The following C3orf49 variants were observed in gnomAD, a reference collection of about 807,000 sequenced individuals.
The protein encoded by C3orf49 is putative uncharacterized protein C3orf49.
C3orf49 carries 27 observed loss-of-function variants against 13.3 expected under a neutral mutation model. That is an observed-to-expected ratio of 2.02 (90% CI 1.49 to 2.79). The LOEUF (loss-of-function observed/expected upper bound fraction) is 2.79. C3orf49 is among the 30% of genes most tolerant of loss of function. The pLI is 0.00. For missense variants in C3orf49, 242 were observed against 134.2 expected, an observed-to-expected ratio of 1.80 and a Z score of -3.97; for synonymous variants, 87 against 47.6, an observed-to-expected ratio of 1.83 and a Z score of -3.40.
the C3orf49 span, among the ~76,000 whole-genome samples, chr3:63,796,407 T>C: frequency 6.6e-6 from 1 of 152,166 alleles, no homozygotes; most frequent in Non-Finnish European, 1.5e-5. Flanking sequence ...TCCTTACCAA[T>C]GTTTAAAAGA....
At chr3:63,796,866 T>C in the C3orf49 span, among the ~76,000 whole-genome samples, 13 of 152,152 alleles carry the variant, frequency 8.5e-5, no homozygotes, top group Non-Finnish European at 1.8e-4. Flanking sequence ...TTCTGCGCCA[T>C]ATAATTTTCT....
intron 3 of C3orf49, among the ~76,000 whole-genome samples, chr3:63,830,543 G>C (rs1701519275): frequency 6.6e-6 from 1 of 152,156 alleles, no homozygotes; most frequent in Admixed American, 6.5e-5. Flanking sequence ...TATTAGCTGG[G>C]AGCCATGACC....
At chr3:63,811,583 A>C in the C3orf49 span, among the ~76,000 whole-genome samples, 1 of 151,590 alleles carries the variant, frequency 6.6e-6, no homozygotes, top group Non-Finnish European at 1.5e-5. Context: ...AACAAAAAAA[A>C]AAACAAAAAA....
At chr3:63,834,494 T>A (rs943701573) in intron 5 of C3orf49, among the ~76,000 whole-genome samples, 3 of 151,876 alleles carry the variant, frequency 2.0e-5, no homozygotes, top group Admixed American at 2.0e-4. Flanking sequence ...ACCCCGTCTC[T>A]ACTAAAAATA....
chr3:63,844,249 C>G (rs1040184720), intron 5 of C3orf49, among the ~76,000 whole-genome samples: 1 of 152,112 alleles, frequency 6.6e-6, no homozygotes, highest in Non-Finnish European at 1.5e-5. Context: ...TACATACTTA[C>G]AGTTAGGCAA....
At chr3:63,798,782 T>C in the C3orf49 span, among the ~76,000 whole-genome samples, 1 of 152,144 alleles carries the variant, frequency 6.6e-6, no homozygotes, top group Admixed American at 6.6e-5. Flanking sequence ...GAAATGTCAT[T>C]CCATGATTGG....
the C3orf49 span, among the ~76,000 whole-genome samples, chr3:63,810,755 T>C: frequency 6.6e-6 from 1 of 152,364 alleles, no homozygotes; most frequent in Non-Finnish European, 1.5e-5. Flanking sequence ...CCACTAAAGG[T>C]ATATTCTGAA....
chr3:63,825,866 A>G (rs1293952223), intron 2 of C3orf49, among the ~76,000 whole-genome samples: 2 of 152,228 alleles, frequency 1.3e-5, no homozygotes, highest in Non-Finnish European at 2.9e-5. Context: ...ATTGAAAGAA[A>G]TCATAGGTGC....
intron 4 of C3orf49, 26 bp downstream of exon 4, chr3:63,831,249 T>C (rs1412525930): frequency 1.4e-6 from 1 of 697,996 alleles, no homozygotes; most frequent in Admixed American, 2.1e-5. Context: ...TTTTAACTTT[T>C]GAGTCTCAGA....
chr3:63,838,169 T>C (rs942832626), intron 5 of C3orf49: 1 of 1,093,510 alleles, frequency 9.1e-7, no homozygotes, highest in Non-Finnish European at 1.3e-6. Flanking sequence ...AAATAGACAC[T>C]AGTATTTTTA....
intron 2 of C3orf49, chr3:63,827,379 G>T (rs1701476665): frequency 5.3e-6 from 2 of 376,484 alleles, no homozygotes; most frequent in Non-Finnish European, 9.5e-6. Context: ...CAAAGACTGG[G>T]TTGGTGTCCA....
intron 5 of C3orf49, 22 bp from the exon 6 acceptor site, chr3:63,845,001 T>C: frequency 1.4e-6 from 1 of 691,230 alleles, no homozygotes; most frequent in Non-Finnish European, 2.6e-6. Flanking sequence ...TTTACATTTG[T>C]TGTAATTTTG....
Position 63,823,576 on chromosome 3 carries a change from A to G in C3orf49, c.445+7A>G. On this transcript the variant is annotated splice_region_variant and intron_variant, in intron 2 of 6. Transcript: ENST00000295896. ...AGAAAGCTCTCAGAGAATGGTAATC[A>G]TATTTGGGCAATTTGTCTTTGGGTT... 1.4e-6 allele frequency: 1 copy of G among 691,308 alleles called. No individual in the cohort carries two copies. Among genetic ancestry groups the G allele is most frequent in the Non-Finnish European group, 2.6e-6 (1 of 379,360 alleles). 42.8% of individuals were successfully genotyped at this position (691,308 alleles called of 1,614,324 possible).
upstream of C3orf49, among the ~76,000 whole-genome samples, chr3:63,818,692 C>T (rs1179852773): frequency 6.6e-6 from 1 of 152,116 alleles, no homozygotes; most frequent in African/African-American, 2.4e-5. Context: ...ACTCAAACCG[C>T]GAGAGGGTAA....
intron 2 of C3orf49, 39 bp downstream of exon 2, chr3:63,823,608 A>C (rs1314154080): frequency 1.5e-6 from 1 of 668,402 alleles, no homozygotes; most frequent in East Asian, 2.7e-5. Context: ...GGTTGAGGCC[A>C]AGAGGAAGAG....
chr3:63,794,031 TGTA>T, the C3orf49 span, among the ~76,000 whole-genome samples: 1 of 152,122 alleles, frequency 6.6e-6, no homozygotes, highest in Non-Finnish European at 1.5e-5. Flanking sequence ...GACATGCACC[TGTA>T]GTCCCTGCTA....
rs1293050248 is a variant in C3orf49, at chr3:63,819,628, TGA to T, written c.125+36_125+37del. The T allele has an allele frequency of 5.7e-6, 4 of 702,698 alleles. No homozygotes were observed. The Admixed American group carries it at 8.0e-5, about 14-fold the overall frequency. 43.5% of individuals were successfully genotyped at this position (702,698 alleles called of 1,614,324 possible). On this transcript the variant is annotated intron_variant, in intron 1 of 6. Transcript: ENST00000295896. ...GAGATTCATTTCCTTTTCTGTCAAA[TGA>T]GAGTCTTTGGGTTTGGCATAGTGGC...
chr3:63,816,772 T>TTC (rs1553674539), upstream of C3orf49, among the ~76,000 whole-genome samples: 2 of 135,258 alleles, frequency 1.5e-5, no homozygotes, highest in Non-Finnish European at 3.2e-5. Flanking sequence ...TTCTTTTCTT[T>TTC]TTTTTTTTTT....
chr3:63,831,066 T>A (rs1265593666), intron 3 of C3orf49, 44 bp from the exon 4 acceptor site: 1 of 682,536 alleles, frequency 1.5e-6, no homozygotes, highest in East Asian at 2.7e-5. Context: ...ACATAAATAA[T>A]GTTGGTAGTT....
Sources: allele counts gnomAD v4.1 joint callset (sites outside exome capture counted in the v4.1 genomes callset), GRCh38; gene constraint gnomAD v4.1.1; transcripts MANE v1.5; gene names NCBI Gene and HGNC (gene_info 2026-07-23, HGNC 2026-07-21).